Variants in ATP2C1 observed in about 807,000 individuals in gnomAD.
The protein encoded by ATP2C1 is calcium-transporting ATPase type 2C member 1.
Under a neutral mutation model 120.5 loss-of-function variants are expected in ATP2C1, and 31 were observed. That is an observed-to-expected ratio of 0.26 (90% CI 0.19 to 0.35). The LOEUF (loss-of-function observed/expected upper bound fraction) is 0.35, where lower values mean the gene tolerates loss of function less well. Ranked by LOEUF, ATP2C1 falls within the 10% of genes least tolerant of loss-of-function variation. The pLI is 1.00. For synonymous variants in ATP2C1, 351 were observed against 358.7 expected (o/e 0.98, Z 0.24); for missense variants, 731 against 1,107.5 (o/e 0.66, Z 4.83).
chr3:130,994,300 C>G (rs968966410), intron 22 of ATP2C1, among the ~76,000 whole-genome samples: 1 of 152,118 alleles, frequency 6.6e-6, no homozygotes, highest in South Asian at 2.1e-4. Flanking sequence ...TGGCAGGACC[C>G]TCATTTAAGA....
At chr3:130,868,382 C>CA (rs1331193234) in intron 1 of ATP2C1, 2 of 130,926 alleles carry the variant, frequency 1.5e-5, no homozygotes, top group African/African-American at 5.7e-5. Context: ...GTGGGGGGGT[C>CA]AGCCCCCGGC....
chr3:130,978,439 C>A (rs1211292950), intron 18 of ATP2C1, among the ~76,000 whole-genome samples: 1 of 152,086 alleles, frequency 6.6e-6, no homozygotes, highest in Non-Finnish European at 1.5e-5. Context: ...GATGCAGGCA[C>A]ATCCCTTTGG....
chr3:130,896,091 A>C (rs905903844), intron 2 of ATP2C1, among the ~76,000 whole-genome samples: 1 of 152,242 alleles, frequency 6.6e-6, no homozygotes, highest in African/African-American at 2.4e-5. Flanking sequence ...TGTTAAATGC[A>C]TTCATATACT....
intron 7 of ATP2C1, among the ~76,000 whole-genome samples, chr3:130,940,955 C>A (rs2059871498): frequency 7.5e-6 from 1 of 133,910 alleles, no homozygotes; most frequent in Admixed American, 8.1e-5. Context: ...GGCTCTGTCA[C>A]CCAGGCTGGA....
intron 18 of ATP2C1, among the ~76,000 whole-genome samples, chr3:130,978,484 G>T (rs1391523738): frequency 1.3e-5 from 2 of 152,048 alleles, no homozygotes; most frequent in African/African-American, 2.4e-5. Context: ...CCATAATTCT[G>T]AGAGCAAGCT....
intron 1 of ATP2C1, among the ~76,000 whole-genome samples, chr3:130,852,633 C>T (rs568705095): frequency 6.6e-6 from 1 of 152,174 alleles, no homozygotes; most frequent in South Asian, 2.1e-4. Flanking sequence ...TTTTTAAAGC[C>T]AACTACAGCT....
chr3:130,971,780 T>C (rs1020735158), intron 17 of ATP2C1, among the ~76,000 whole-genome samples: 1 of 152,130 alleles, frequency 6.6e-6, no homozygotes, highest in Admixed American at 6.6e-5. Context: ...CCTTTACCCC[T>C]GTGGAACACC....
At position 130,902,284 on chromosome 3, in the gene ATP2C1, G is replaced by GTTTTTTTTTTT. The variant is rs1157956407; in HGVS notation, c.6+7511_6+7521dup. 2.9e-4 allele frequency among the ~76,000 whole-genome samples: 19 copies of GTTTTTTTTTTT among 65,504 alleles called. 4 individuals are homozygous for GTTTTTTTTTTT. Among genetic ancestry groups the GTTTTTTTTTTT allele is most frequent in the African/African-American group, 1.1e-3 (19 of 17,734 alleles). The allele number at this position is 65,504 out of a possible 152,430, so 43.0% of individuals were successfully genotyped here. A position where few individuals can be genotyped will look rare whatever the true frequency, so the allele number is the denominator to read the frequency against. On this transcript the variant is annotated intron_variant, in intron 2 of 27. Transcript: ENST00000510168. ...TTAACTGCTAATTTCAAGGCTTCAC[G>GTTTTTTTTTTT]TTTTTTTTTTTTGTTTTTTTTTTTT...
chr3:130,900,306 A>G (rs2070047249), intron 2 of ATP2C1, among the ~76,000 whole-genome samples: 1 of 152,058 alleles, frequency 6.6e-6, no homozygotes, highest in Non-Finnish European at 1.5e-5. Context: ...AAGCAGTCTT[A>G]TTGCCTTGGC....
chr3:130,994,127 A>G, intron 22 of ATP2C1, 29 bp downstream of exon 22: 2 of 1,613,078 alleles, frequency 1.2e-6, no homozygotes, highest in South Asian at 1.1e-5. Flanking sequence ...AATGCCTATC[A>G]GAGAATCTTC....
intron 17 of ATP2C1, among the ~76,000 whole-genome samples, chr3:130,972,916 A>G (rs921564414): frequency 2.6e-5 from 4 of 152,128 alleles, no homozygotes; most frequent in Non-Finnish European, 5.9e-5. Context: ...CAACAGAGAA[A>G]GGGATCTTAG....
intron 1 of ATP2C1, among the ~76,000 whole-genome samples, chr3:130,851,913 A>G (rs979822089): frequency 2.6e-5 from 4 of 152,230 alleles, no homozygotes; most frequent in Non-Finnish European, 5.9e-5. Context: ...AAACACTTCC[A>G]GGAAATGCAA....
chr3:130,882,585 G>A (rs915722638), intron 1 of ATP2C1, among the ~76,000 whole-genome samples: 1 of 152,176 alleles, frequency 6.6e-6, no homozygotes, highest in African/African-American at 2.4e-5. Flanking sequence ...ATTTTATCAA[G>A]TGGTTTTTCA....
chr3:130,954,089 T>C (rs771441608), intron 9 of ATP2C1, 113 bp downstream of exon 9: 24 of 1,165,754 alleles, frequency 2.1e-5, no homozygotes, highest in Non-Finnish European at 2.5e-5. Flanking sequence ...AAGGATAAAA[T>C]TGAACTTAAC....
chr3:130,970,780 T>C (rs183264805), intron 17 of ATP2C1, among the ~76,000 whole-genome samples: 259 of 152,258 alleles, frequency 1.7e-3, no homozygotes, highest in Middle Eastern at 6.8e-3. Context: ...TTTTTGCATG[T>C]GATACCTATG....
upstream of ATP2C1, among the ~76,000 whole-genome samples, chr3:130,892,700 T>C (rs958121674): frequency 3.3e-5 from 5 of 150,798 alleles, no homozygotes; most frequent in African/African-American, 7.3e-5. Context: ...AGGTGGATCA[T>C]AGTTAACTCG....
intron 2 of ATP2C1, among the ~76,000 whole-genome samples, chr3:130,916,924 C>T (rs1022414285): frequency 6.6e-6 from 1 of 152,150 alleles, no homozygotes; most frequent in Non-Finnish European, 1.5e-5. Flanking sequence ...GATTTCACTT[C>T]CCTGATTATA....
chr3:130,871,061 T>C (rs944322669), intron 1 of ATP2C1, among the ~76,000 whole-genome samples: 1 of 152,260 alleles, frequency 6.6e-6, no homozygotes, highest in Non-Finnish European at 1.5e-5. Context: ...CAGATGATCA[T>C]TAACATTCTT....
chr3:130,991,476 T>C (rs1488437341), intron 20 of ATP2C1, among the ~76,000 whole-genome samples: 1 of 152,096 alleles, frequency 6.6e-6, no homozygotes, highest in Non-Finnish European at 1.5e-5. Flanking sequence ...ATCCTCCCCG[T>C]TCCTATATCA....
Sources: allele counts gnomAD v4.1 joint callset (sites outside exome capture counted in the v4.1 genomes callset), GRCh38; gene constraint gnomAD v4.1.1; transcripts MANE v1.5; gene names NCBI Gene and HGNC (gene_info 2026-07-23, HGNC 2026-07-21).